PARD3B: variants seen among roughly 807,000 people sequenced by gnomAD.
PARD3B encodes partitioning defective 3 homolog B.
Under a neutral mutation model 130.2 loss-of-function variants are expected in PARD3B, and 103 were observed. The ratio of observed to expected loss-of-function variants is 0.79; its 90% confidence interval spans 0.67 to 0.93. PARD3B has a LOEUF of 0.93. Ranked by LOEUF, PARD3B falls within the 40% of genes least tolerant of loss-of-function variation. The pLI, the probability that PARD3B is intolerant of heterozygous loss-of-function variation, is 0.00. For missense variants in PARD3B, 1,609 were observed against 1,499.2 expected (o/e 1.07, Z -1.21); for synonymous variants, 583 against 553.2 (o/e 1.05, Z -0.76).
chr2:204,895,755 T>A (rs1038638113), intron 2 of PARD3B, among the ~76,000 whole-genome samples: 5 of 152,152 alleles, frequency 3.3e-5, no homozygotes, highest in South Asian at 4.1e-4. Flanking sequence ...CTATTTACAC[T>A]CACTTTTCCT....
At chr2:205,567,378 G>A (rs1465953022) in intron 22 of PARD3B, among the ~76,000 whole-genome samples, 1 of 120,822 alleles carries the variant, frequency 8.3e-6, no homozygotes, top group Non-Finnish European at 1.6e-5. Flanking sequence ...GCAGTGGCAC[G>A]ATCTCGGCTC....
At chr2:204,578,753 T>A (rs1264239905) in intron 1 of PARD3B, among the ~76,000 whole-genome samples, 1 of 152,166 alleles carries the variant, frequency 6.6e-6, no homozygotes, top group Non-Finnish European at 1.5e-5. Flanking sequence ...TTTGTCCTGA[T>A]ACGTTGCTGT....
intron 18 of PARD3B, among the ~76,000 whole-genome samples, chr2:205,373,031 A>C (rs1385301571): frequency 6.6e-6 from 1 of 152,186 alleles, no homozygotes; most frequent in Non-Finnish European, 1.5e-5. Flanking sequence ...CTGCTTCAAA[A>C]ACTAAACTTT....
intron 8 of PARD3B, among the ~76,000 whole-genome samples, chr2:205,123,957 G>A (rs371597291): frequency 5.3e-5 from 8 of 152,310 alleles, no homozygotes; most frequent in African/African-American, 1.7e-4. Flanking sequence ...TCCAGCTCAT[G>A]TAAGAGGCTG....
At chr2:204,705,921 G>A (rs2038122572) in intron 2 of PARD3B, among the ~76,000 whole-genome samples, 1 of 152,140 alleles carries the variant, frequency 6.6e-6, no homozygotes, top group South Asian at 2.1e-4. Flanking sequence ...GTCCTTTAGT[G>A]CTGATCATAT....
intron 2 of PARD3B, among the ~76,000 whole-genome samples, chr2:204,960,338 G>C (rs573835319): frequency 1.3e-5 from 2 of 152,276 alleles, no homozygotes; most frequent in South Asian, 4.1e-4. Flanking sequence ...CAAATGGGCT[G>C]ACTCCCCGTT....
chr2:205,315,308 A>G (rs1050339562), intron 18 of PARD3B, among the ~76,000 whole-genome samples: 1 of 152,140 alleles, frequency 6.6e-6, no homozygotes, highest in Non-Finnish European at 1.5e-5. Flanking sequence ...AAATAATAGC[A>G]TCTACCTAAT....
At chr2:205,360,838 T>C (rs978823172) in intron 18 of PARD3B, among the ~76,000 whole-genome samples, 1 of 152,226 alleles carries the variant, frequency 6.6e-6, no homozygotes, top group Admixed American at 6.5e-5. Flanking sequence ...ACTGTTTTTG[T>C]TATTTATCAA....
intron 1 of PARD3B, among the ~76,000 whole-genome samples, chr2:204,685,548 A>AC (rs1191175563): frequency 6.6e-6 from 1 of 152,134 alleles, no homozygotes; most frequent in East Asian, 1.9e-4. Flanking sequence ...TTTAATTACT[A>AC]CCCCAACTCA....
At chr2:204,749,177 C>T (rs892673683) in intron 2 of PARD3B, among the ~76,000 whole-genome samples, 11 of 151,898 alleles carry the variant, frequency 7.2e-5, no homozygotes, top group Middle Eastern at 3.2e-3. Context: ...GTAATACCAC[C>T]GAGGGCTATT....
At chr2:205,346,271 G>C (rs914615343) in intron 18 of PARD3B, among the ~76,000 whole-genome samples, 1 of 151,488 alleles carries the variant, frequency 6.6e-6, no homozygotes, top group Non-Finnish European at 1.5e-5. Flanking sequence ...AGGCTGCCTG[G>C]CCCCCCTGGA....
intron 2 of PARD3B, among the ~76,000 whole-genome samples, chr2:204,919,024 G>T (rs1395197954): frequency 6.6e-6 from 1 of 152,016 alleles, no homozygotes; most frequent in East Asian, 1.9e-4. Context: ...ATATAGAAAA[G>T]TTGAAATAAG....
chr2:204,917,378 T>C (rs2047486764), intron 2 of PARD3B, among the ~76,000 whole-genome samples: 1 of 152,290 alleles, frequency 6.6e-6, no homozygotes, highest in Middle Eastern at 3.4e-3. Context: ...GAAAACAGAA[T>C]AGTGGCTTCT....
intron 1 of PARD3B, among the ~76,000 whole-genome samples, chr2:204,549,941 A>ATG (rs1382964247): frequency 2.0e-5 from 3 of 152,168 alleles, no homozygotes; most frequent in African/African-American, 7.2e-5. Context: ...AAAAACAAAC[A>ATG]AATAAAAGCA....
chr2:205,585,779 G>T lies in PARD3B; in HGVS notation c.3261-29677G>T, dbSNP rs1209766764. On this transcript the variant is annotated intron_variant, in intron 22 of 22. Transcript: ENST00000406610. The surrounding 1 kb of genome is among the most constrained non-coding windows in gnomAD (Gnocchi z 5.4). ...TCTCCCCCACCACATTTCAGGAAGG[G>T]CTTTGAACTGGATTTCGGTAGCTTT... Among the ~76,000 whole-genome samples, 8 of 152,296 alleles carry T rather than the reference G, an allele frequency of 5.3e-5. No homozygotes were observed. The East Asian group carries it at 1.5e-3, about 29-fold the overall frequency.
intron 20 of PARD3B, among the ~76,000 whole-genome samples, chr2:205,472,327 A>C (rs528264253): frequency 1.3e-5 from 2 of 152,216 alleles, no homozygotes; most frequent in East Asian, 3.9e-4. Flanking sequence ...GTGCCTTTCA[A>C]AGTTGTCCTA....
At chr2:205,389,407 G>C (rs1352168419) in intron 18 of PARD3B, among the ~76,000 whole-genome samples, 1 of 152,138 alleles carries the variant, frequency 6.6e-6, no homozygotes, top group African/African-American at 2.4e-5. Context: ...TTGTCACCCA[G>C]GCTGGAGTGC....
At chr2:204,571,714 A>G (rs1373959790) in intron 1 of PARD3B, among the ~76,000 whole-genome samples, 1 of 152,198 alleles carries the variant, frequency 6.6e-6, no homozygotes, top group Non-Finnish European at 1.5e-5. Context: ...AATGCCTTAA[A>G]TAGCACTATG....
chr2:204,749,131 A>G (rs1200775706), intron 2 of PARD3B, among the ~76,000 whole-genome samples: 1 of 152,114 alleles, frequency 6.6e-6, no homozygotes, highest in Admixed American at 6.6e-5. Context: ...TCTCAAGTGC[A>G]AAAGTGCAAA....
Sources: gnomAD v4.1 joint callset for allele counts (sites outside exome capture counted in the v4.1 genomes callset) on GRCh38, gnomAD v4.1.1 for gene constraint, Gnocchi (gnomAD v3.1) non-coding constraint, MANE v1.5 for transcripts, NCBI Gene and HGNC (gene_info 2026-07-23, HGNC 2026-07-21) for gene names.